The following CCND3 variants were observed in gnomAD, a reference collection of about 807,000 sequenced individuals.
CCND3 encodes cyclin D3.
In CCND3, 9 loss-of-function variants were observed where a neutral mutation model predicts 28.7. The observed-to-expected ratio is 0.31, with a 90% CI of 0.19 to 0.55. The LOEUF (loss-of-function observed/expected upper bound fraction) is 0.55. Ranked by LOEUF, CCND3 falls within the 20% of genes least tolerant of loss-of-function variation. The pLI, the probability that CCND3 is intolerant of heterozygous loss-of-function variation, is 0.93. For synonymous variants in CCND3, 164 were observed against 163.9 expected (o/e 1.00, Z 0.00); for missense variants, 315 against 385.8 (o/e 0.82, Z 1.54).
chr6:42,024,613 G>A (rs1401770808), intron 1 of CCND3, among the ~76,000 whole-genome samples: 1 of 151,950 alleles, frequency 6.6e-6, no homozygotes, highest in East Asian at 1.9e-4. Context: ...TGCGAGGCTG[G>A]GGCCACTCAG....
chr6:42,045,422 G>T (rs1220046065), intron 1 of CCND3, among the ~76,000 whole-genome samples: 1 of 152,168 alleles, frequency 6.6e-6, no homozygotes, highest in Non-Finnish European at 1.5e-5. Context: ...TAGAGTTGTG[G>T]TGAATAAATA....
At chr6:42,033,741 TG>T (rs1180063349) in intron 1 of CCND3, among the ~76,000 whole-genome samples, 4 of 151,124 alleles carry the variant, frequency 2.6e-5, no homozygotes, top group Non-Finnish European at 5.9e-5. Flanking sequence ...CCCAGCTACT[TG>T]GGAGGCTGAG....
chr6:42,036,403 A>ATATATATATATTTTT (rs57619585), intron 1 of CCND3, among the ~76,000 whole-genome samples: 3 of 31,310 alleles, frequency 9.6e-5, no homozygotes, highest in African/African-American at 4.3e-4. Flanking sequence ...ATATATATAT[A>ATATATATATATTTTT]TTTTTTTTTT....
intron 1 of CCND3, among the ~76,000 whole-genome samples, chr6:42,045,006 A>G (rs927645814): frequency 2.2e-5 from 3 of 135,338 alleles, no homozygotes; most frequent in East Asian, 2.1e-4. Context: ...AGGTTTCACC[A>G]TGTTGGTCAG....
At chr6:41,999,828 T>C (rs936278012) in intron 1 of CCND3, among the ~76,000 whole-genome samples, 1 of 152,086 alleles carries the variant, frequency 6.6e-6, no homozygotes, top group Admixed American at 6.6e-5. Context: ...AAGTTTGAGT[T>C]TGCAGTGAGC....
At position 41,964,469 on chromosome 6, in the gene CCND3, T is replaced by C. The variant is rs1174204806; in HGVS notation, c.-45-23884A>G. Among the ~76,000 whole-genome samples the C allele has an allele frequency of 2.2e-5, 3 of 134,770 alleles. No homozygotes were observed. In the East Asian group the frequency reaches 6.7e-4, roughly 30 times the overall value. 88.4% of individuals were successfully genotyped at this position (134,770 alleles called of 152,430 possible). A position where few individuals can be genotyped will look rare whatever the true frequency, so the allele number is the denominator to read the frequency against. ...ATGTGTGAGTCTGTGTGTGAGTGTG[T>C]GTGTGAGTGTGTGTGAATGTGTGTG... On this transcript the variant is annotated intron_variant, in intron 1 of 4. Transcript: ENST00000372988.
intron 1 of CCND3, among the ~76,000 whole-genome samples, chr6:42,005,265 G>T (rs550879942): frequency 5.3e-5 from 8 of 152,228 alleles, no homozygotes; most frequent in African/African-American, 1.7e-4. Flanking sequence ...ACTGGGGCGA[G>T]GTGTGGTGGC....
intron 1 of CCND3, among the ~76,000 whole-genome samples, chr6:41,972,868 T>TAC (rs1454208266): frequency 1.6e-4 from 24 of 149,558 alleles, no homozygotes; most frequent in African/African-American, 5.4e-4. Context: ...AATTTACATA[T>TAC]ATATATATAT....
chr6:41,941,055 C>G lies in CCND3; in HGVS notation c.198+397G>C. The G allele has an allele frequency of 6.3e-7, 1 of 1,592,964 alleles. No homozygotes were observed. Among genetic ancestry groups the G allele is most frequent in the Non-Finnish European group, 8.6e-7 (1 of 1,168,506 alleles). ...ACCCCCATCGCCTTCCCCGCCAGAA[C>G]CCCGCGAAAGACACAGGAACCGGCT... On this transcript the variant is annotated intron_variant, in intron 1 of 4. Coordinates refer to ENST00000372991, the MANE Select transcript of CCND3 (RefSeq NM_001760.5). The surrounding 1 kb of genome is among the most constrained non-coding windows in gnomAD (Gnocchi z 6.1).
intron 1 of CCND3, among the ~76,000 whole-genome samples, chr6:42,011,645 G>A (rs1763348763): frequency 6.6e-6 from 1 of 152,108 alleles, no homozygotes; most frequent in Non-Finnish European, 1.5e-5. Flanking sequence ...GAACATTAAG[G>A]ACCAAAATCC....
At chr6:41,983,604 G>A (rs1762406645) in intron 1 of CCND3, among the ~76,000 whole-genome samples, 2 of 152,046 alleles carry the variant, frequency 1.3e-5, no homozygotes, top group African/African-American at 4.8e-5. Context: ...GGAGGCCAAG[G>A]CAGACAGATT....
chr6:42,023,969 T>C (rs1377509697), intron 1 of CCND3, among the ~76,000 whole-genome samples: 4 of 152,182 alleles, frequency 2.6e-5, no homozygotes, highest in African/African-American at 2.4e-5. Flanking sequence ...ATACACTTAT[T>C]AGGGCCAGGC....
intron 1 of CCND3, among the ~76,000 whole-genome samples, chr6:41,984,250 A>G (rs376668090): frequency 6.6e-6 from 1 of 152,342 alleles, no homozygotes; most frequent in Admixed American, 6.5e-5. Flanking sequence ...TGCTATGAAC[A>G]TAGAGGTACA....
chr6:42,011,914 G>C (rs940582824), intron 1 of CCND3, among the ~76,000 whole-genome samples: 22 of 152,162 alleles, frequency 1.4e-4, no homozygotes, highest in African/African-American at 4.8e-4. Flanking sequence ...CTCGAGGTAA[G>C]GTCCTGAGCA....
At chr6:42,016,205 G>A (rs957811164) in intron 1 of CCND3, among the ~76,000 whole-genome samples, 1 of 152,156 alleles carries the variant, frequency 6.6e-6, no homozygotes, top group African/African-American at 2.4e-5. Flanking sequence ...AAAGTGCCAG[G>A]ATTACAGGCG....
rs1775973112 is a variant in CCND3, at chr6:41,940,664, G to A, written c.199-79C>T. 52 of 1,022,910 alleles carry A rather than the reference G, an allele frequency of 5.1e-5. 2 individuals carry two copies. The South Asian group carries it at 5.9e-4, about 12-fold the overall frequency. 63.4% of individuals were successfully genotyped at this position (1,022,910 alleles called of 1,614,324 possible). On this transcript the variant is annotated intron_variant, in intron 1 of 4. Transcript: ENST00000372991. ...CGGGGGGGTGGGAGCGCTGAAGTGA[G>A]GTGGGATAGGGAGCAAAAACGGCAG... is the stretch of plus-strand genomic sequence containing the variant.
At chr6:42,038,054 C>A (rs1004588324) in intron 1 of CCND3, among the ~76,000 whole-genome samples, 2 of 142,154 alleles carry the variant, frequency 1.4e-5, no homozygotes, top group Non-Finnish European at 3.1e-5. Context: ...AAAAAAAGTT[C>A]TTTGGGATCC....
chr6:41,949,037 T>G (rs965701591), intron 1 of CCND3, among the ~76,000 whole-genome samples: 4 of 152,050 alleles, frequency 2.6e-5, no homozygotes, highest in African/African-American at 9.7e-5. Flanking sequence ...TGGCCATAGA[T>G]TCCCTGTTTC....
intron 1 of CCND3, among the ~76,000 whole-genome samples, chr6:41,983,385 A>G (rs938380863): frequency 4.6e-5 from 7 of 151,588 alleles, no homozygotes; most frequent in Admixed American, 1.3e-4. Context: ...AAAAAAAAAA[A>G]GGTGTATGTT....
Sources: gnomAD v4.1 joint callset for allele counts (sites outside exome capture counted in the v4.1 genomes callset) on GRCh38, gnomAD v4.1.1 for gene constraint, Gnocchi (gnomAD v3.1) non-coding constraint, MANE v1.5 for transcripts, NCBI Gene and HGNC (gene_info 2026-07-23, HGNC 2026-07-21) for gene names.